HHIPL1: variants seen among roughly 807,000 people sequenced by gnomAD.
HHIPL1 encodes the protein HHIP like 1, also known as HHIP-like protein 1.
Under a neutral mutation model 61.8 loss-of-function variants are expected in HHIPL1, and 43 were observed. That is an observed-to-expected ratio of 0.70 (90% confidence interval 0.55 to 0.90). The LOEUF is 0.90. Ranked by LOEUF, HHIPL1 falls within the 40% of genes least tolerant of loss-of-function variation. The pLI is 0.00. For missense variants in HHIPL1, 1,056 were observed against 1,157.7 expected (o/e 0.91, Z 1.28); for synonymous variants, 482 against 515.8 (o/e 0.93, Z 0.89).
At chr14:99,632,624 A>C in the HHIPL1 span, among the ~76,000 whole-genome samples, 1 of 152,280 alleles carries the variant, frequency 6.6e-6, no homozygotes, top group African/African-American at 2.4e-5. Context: ...CCAGGACCAC[A>C]GTGGCGTTTG....
Position 99,645,390 on chromosome 14 carries a change from G to T in HHIPL1, c.183G>T (p.Trp61Cys). The T allele has an allele frequency of 7.0e-7, 1 of 1,427,504 alleles. No homozygotes were observed. Among genetic ancestry groups the T allele is most frequent in the South Asian group, 1.4e-5 (1 of 70,080 alleles). 88.4% of individuals were successfully genotyped at this position (1,427,504 alleles called of 1,614,324 possible). A position where few individuals can be genotyped will look rare whatever the true frequency, so the allele number is the denominator to read the frequency against. ...ACGCCGAGCTGACCCGCCGCTTCTGGGCCCTGGCGAGCCGCGTGGACGCCG... is the reference window on the plus strand; with the variant it reads ...ACGCCGAGCTGACCCGCCGCTTCTGTGCCCTGGCGAGCCGCGTGGACGCCG... Reference protein sequence around the residue: ...GRDAELTRRFWALASRVDAAE... With the variant: ...GRDAELTRRFCALASRVDAAE... The change falls in exon 1 of 9, where the codon TGG becomes TGT. Residue 61 changes from tryptophan to cysteine, a missense_variant. By Grantham distance (215) the Trp-to-Cys change is radical (BLOSUM62 -2). Coordinates refer to ENST00000330710, the MANE Select transcript of HHIPL1 (RefSeq NM_001127258.3).
upstream of HHIPL1, among the ~76,000 whole-genome samples, chr14:99,643,289 C>T (rs147215329): frequency 9.3e-3 from 1,420 of 152,314 alleles, 25 homozygotes; most frequent in African/African-American, 0.033. Context: ...ATCCGCCCGC[C>T]TCAGCCTCCC....
chr14:99,639,560 T>C, the HHIPL1 span, among the ~76,000 whole-genome samples: 1 of 152,160 alleles, frequency 6.6e-6, no homozygotes, highest in Admixed American at 6.5e-5. Flanking sequence ...TTGCCCATAC[T>C]GGTCTTGAAC....
chr14:99,616,762 C>A, the HHIPL1 span, among the ~76,000 whole-genome samples: 1 of 151,854 alleles, frequency 6.6e-6, no homozygotes, highest in African/African-American at 2.4e-5. Flanking sequence ...CCTCTCCTTG[C>A]GACAATGGAA....
At chr14:99,643,983 A>G (rs922890324), upstream of HHIPL1, among the ~76,000 whole-genome samples, 1 of 152,192 alleles carries the variant, frequency 6.6e-6, no homozygotes, top group African/African-American at 2.4e-5. Context: ...TGAGCCCTGT[A>G]TGGCTTCTTA....
chr14:99,636,851 G>A, the HHIPL1 span, among the ~76,000 whole-genome samples: 1 of 151,084 alleles, frequency 6.6e-6, no homozygotes, highest in Non-Finnish European at 1.5e-5. Flanking sequence ...GCCGGGCATG[G>A]AAGTGCATGC....
intron 7 of HHIPL1, among the ~76,000 whole-genome samples, chr14:99,669,631 T>C (rs2056303766): frequency 6.6e-6 from 1 of 152,206 alleles, no homozygotes; most frequent in Non-Finnish European, 1.5e-5. Context: ...TTATTGTGCT[T>C]AAAATCTTTT....
chr14:99,645,364 G>A lies in HHIPL1; in HGVS notation c.157G>A (p.Asp53Asn), dbSNP rs2055813930. Residue 53 changes from aspartate to asparagine, a missense_variant, in exon 1 of 9, where the codon GAC becomes AAC. Physicochemically the swap from Asp to Asn is conservative, Grantham distance 23. Coordinates refer to ENST00000330710, the MANE Select transcript of HHIPL1 (RefSeq NM_001127258.3). ...SDFGCCDEGR[D>N]AELTRRFWAL... ...CTTCGGCTGCTGCGATGAGGGGCGC[G>A]ACGCCGAGCTGACCCGCCGCTTCTG... The A allele has an allele frequency of 2.8e-6, 4 of 1,444,342 alleles. No homozygotes were observed. The highest frequency in any genetic ancestry group is 3.6e-6 in the Non-Finnish European group (4 of 1,102,502). 89.5% of individuals were successfully genotyped at this position (1,444,342 alleles called of 1,614,324 possible). A position where few individuals can be genotyped will look rare whatever the true frequency, so the allele number is the denominator to read the frequency against.
At chr14:99,663,701 T>C (rs2056193406) in intron 6 of HHIPL1, among the ~76,000 whole-genome samples, 1 of 152,210 alleles carries the variant, frequency 6.6e-6, no homozygotes, top group Non-Finnish European at 1.5e-5. Flanking sequence ...CACCTCCTCA[T>C]GCGTCTTCAC....
chr14:99,648,854 G>A (rs962517910), intron 1 of HHIPL1, among the ~76,000 whole-genome samples: 1 of 152,194 alleles, frequency 6.6e-6, no homozygotes, highest in Non-Finnish European at 1.5e-5. Flanking sequence ...AAAAATGAAC[G>A]GTGGACATAA....
At chr14:99,654,289 C>T (rs867186953) in intron 2 of HHIPL1, among the ~76,000 whole-genome samples, 1 of 152,020 alleles carries the variant, frequency 6.6e-6, no homozygotes, top group Non-Finnish European at 1.5e-5. Context: ...CCCCTTGGGC[C>T]GGGAGGACAA....
Position 99,645,267 on chromosome 14 carries a change from T to G in HHIPL1, c.60T>G (p.His20Gln), listed in dbSNP as rs2055810705. 7.1e-7 allele frequency: 1 copy of G among 1,416,700 alleles called. No homozygotes were observed. Among genetic ancestry groups the G allele is most frequent in the Non-Finnish European group, 9.2e-7 (1 of 1,088,250 alleles). 87.8% of individuals were successfully genotyped at this position (1,416,700 alleles called of 1,614,324 possible). The change falls in exon 1 of 9, where the codon CAT becomes CAG. Residue 20 changes from histidine (H) to glutamine (Q), a missense_variant. Physicochemically the swap from His to Gln is conservative, Grantham distance 24. Transcript: ENST00000330710. The part of the protein sequence containing the change: ...LALWVLGAAA[H>Q]PQCLDFRPPF... ...TTTGGGTGCTCGGGGCCGCCGCGCA[T>G]CCGCAGTGCCTGGACTTCAGGCCGC...
chr14:99,672,469 A>C, intron 8 of HHIPL1, 70 bp downstream of exon 8: 1 of 1,341,206 alleles, frequency 7.5e-7, no homozygotes. Flanking sequence ...CTGCCTTTCC[A>C]GCCAGACTCG....
the HHIPL1 span, among the ~76,000 whole-genome samples, chr14:99,637,268 A>AAAGAAAG: frequency 7.0e-6 from 1 of 142,506 alleles, no homozygotes; most frequent in East Asian, 2.2e-4. Context: ...AAGAAAGAAA[A>AAAGAAAG]AGTGTGGCAA....
chr14:99,627,094 A>T, the HHIPL1 span, among the ~76,000 whole-genome samples: 1 of 152,012 alleles, frequency 6.6e-6, no homozygotes, highest in Non-Finnish European at 1.5e-5. The surrounding 1 kb of genome is among the most constrained non-coding windows in gnomAD (Gnocchi z 4.4). Flanking sequence ...TCACCCATCC[A>T]TCTATCCAGC....
the HHIPL1 span, among the ~76,000 whole-genome samples, chr14:99,634,152 T>A: frequency 1.3e-5 from 2 of 151,894 alleles, no homozygotes; most frequent in Non-Finnish European, 2.9e-5. Flanking sequence ...GAGCTCAGAG[T>A]GTGTAGACAT....
At chr14:99,666,798 C>A (rs2056252709) in intron 6 of HHIPL1, among the ~76,000 whole-genome samples, 1 of 152,168 alleles carries the variant, frequency 6.6e-6, no homozygotes, top group African/African-American at 2.4e-5. Flanking sequence ...GCCTACAGCT[C>A]CTCCCCCGAC....
chr14:99,621,206 C>T, the HHIPL1 span, among the ~76,000 whole-genome samples: 1 of 152,210 alleles, frequency 6.6e-6, no homozygotes, highest in East Asian at 1.9e-4. Context: ...TCAAACCAAC[C>T]TCCCACCTCA....
chr14:99,648,791 G>C (rs1323282934), intron 1 of HHIPL1, among the ~76,000 whole-genome samples: 1 of 152,202 alleles, frequency 6.6e-6, no homozygotes, highest in Non-Finnish European at 1.5e-5. Context: ...GAGGAAGTAG[G>C]TGAGAAGCAA....
Sources: gnomAD v4.1 joint callset for allele counts (sites outside exome capture counted in the v4.1 genomes callset) on GRCh38, gnomAD v4.1.1 for gene constraint, Gnocchi (gnomAD v3.1) non-coding constraint, MANE v1.5 for transcripts, NCBI Gene and HGNC (gene_info 2026-07-23, HGNC 2026-07-21) for gene names.